Variants in DDX23 observed in about 807,000 individuals in gnomAD.
DDX23 encodes the protein DEAD-box helicase 23, also known as probable ATP-dependent RNA helicase DDX23.
In DDX23, 33 loss-of-function variants were observed where a neutral mutation model predicts 102.7. The observed-to-expected ratio is 0.32, with a 90% CI of 0.24 to 0.43. The LOEUF (loss-of-function observed/expected upper bound fraction) is 0.43, where lower values mean the gene tolerates loss of function less well. DDX23 is among the 20% of genes least tolerant of loss of function. DDX23 has a pLI of 1.00. For synonymous variants in DDX23, 352 were observed against 376.0 expected (o/e 0.94, Z 0.74); for missense variants, 549 against 1,086.6 (o/e 0.51, Z 6.96).
At chr12:48,849,168 A>T (rs1382139704) in intron 1 of DDX23, among the ~76,000 whole-genome samples, 1 of 151,982 alleles carries the variant, frequency 6.6e-6, no homozygotes, top group Non-Finnish European at 1.5e-5. Context: ...CTGGTATTAC[A>T]GGTGTGAGCC....
chr12:48,839,796 T>C, intron 5 of DDX23, 48 bp downstream of exon 5: 11 of 1,591,728 alleles, frequency 6.9e-6, no homozygotes, highest in Middle Eastern at 1.7e-4. Flanking sequence ...TCTGTGGTAT[T>C]GTGTTATGGC....
In DDX23 at chr12:48,843,952, C is replaced by T. The variant is rs749217539; in HGVS notation, c.308G>A (p.Arg103His). The change falls in exon 3 of 17, where the codon CGT becomes CAT. Residue 103 changes from arginine (R) to histidine (H), a missense_variant. Arg to His is a conservative substitution (Grantham distance 29). Transcript: ENST00000308025. ...TTCCTTCATGTACCTGGATCGTTTA[C>T]GGTCCTTGTCCCGTCTGTGCCCATC... ...DKDGHRRDKD[R>H]KRSSLSPGRG... The T allele has an allele frequency of 9.1e-5, 147 of 1,613,906 alleles. No individual in the cohort carries two copies. Among genetic ancestry groups the T allele is most frequent in the Non-Finnish European group, 1.1e-4 (135 of 1,179,940 alleles).
chr12:48,840,396 C>T (rs1001367208), intron 3 of DDX23, among the ~76,000 whole-genome samples: 1 of 152,042 alleles, frequency 6.6e-6, no homozygotes, highest in Non-Finnish European at 1.5e-5. Context: ...CTAGGCCAGG[C>T]GCGGTGTCTC....
At position 48,845,739 on chromosome 12, in the gene DDX23, G is replaced by C. The variant is rs755800550; in HGVS notation, c.44C>G (p.Pro15Arg). ...TGATCGCTTCCTTTCCTCCTTGGAA[G>C]GTGATGCATCACGGTCCTTTTTGTC... ...LADKKDRDASPSKEERKRSRT... is the reference protein window; with the variant it reads ...LADKKDRDASRSKEERKRSRT... Residue 15 changes from proline (P) to arginine (R), a missense_variant, in exon 2 of 17, where the codon CCT becomes CGT. Physicochemically the swap from Pro to Arg is moderately radical, Grantham distance 103. This residue lies in a region of DDX23 where 241 missense variants were observed against 267.0 expected (regional missense o/e 0.90). Transcript: ENST00000308025. 1 of 1,614,170 alleles carries C rather than the reference G, an allele frequency of 6.2e-7. No individual in the cohort carries two copies. The highest frequency in any genetic ancestry group is 1.1e-5 in the South Asian group (1 of 91,088).
intron 1 of DDX23, among the ~76,000 whole-genome samples, chr12:48,851,297 C>G (rs1344121729): frequency 6.6e-6 from 1 of 152,100 alleles, no homozygotes; most frequent in Non-Finnish European, 1.5e-5. Flanking sequence ...CACGGTGAAA[C>G]CCCGTCTCTA....
At chr12:48,846,146 T>G (rs1938663457) in intron 1 of DDX23, among the ~76,000 whole-genome samples, 1 of 151,876 alleles carries the variant, frequency 6.6e-6, no homozygotes, top group Admixed American at 6.6e-5. Context: ...TTTATTTTTT[T>G]TATAGACAGG....
At position 48,834,398 on chromosome 12, in the gene DDX23, C is replaced by A. The variant is rs140160496; in HGVS notation, c.1482G>T (p.Pro494=). 1.2e-6 allele frequency: 2 copies of A among 1,614,124 alleles called. No individual in the cohort carries two copies. The highest frequency in any genetic ancestry group is 2.2e-5 in the South Asian group (2 of 91,064). Residue 494 remains proline (P), a synonymous_variant, in exon 12 of 17, where the codon CCG becomes CCT. Coordinates refer to ENST00000308025, the MANE Select transcript of DDX23 (RefSeq NM_004818.3). ...IEEETIKFGK[P]LGIRTVAVIG... Reference sequence around the variant, plus strand: ...TGACAGCCACAGTGCGGATACCTAGCGGTTTCCCAAACTTGATGGTCTCTT... The same window carrying A: ...TGACAGCCACAGTGCGGATACCTAGAGGTTTCCCAAACTTGATGGTCTCTT...
chr12:48,831,373 A>C, intron 15 of DDX23, 57 bp from the exon 16 acceptor site: 1 of 1,559,316 alleles, frequency 6.4e-7, no homozygotes, highest in South Asian at 1.1e-5. Context: ...GAGACACAGG[A>C]GTTCAGAGGA....
Position 48,829,856 on chromosome 12 carries a change from G to A in DDX23, c.*613C>T. 4.2e-6 allele frequency: 1 copy of A among 238,468 alleles called. No homozygotes were observed. Among genetic ancestry groups the A allele is most frequent in the Non-Finnish European group, 8.3e-6 (1 of 120,286 alleles). 14.8% of individuals were successfully genotyped at this position (238,468 alleles called of 1,614,324 possible). A position where few individuals can be genotyped will look rare whatever the true frequency, so the allele number is the denominator to read the frequency against. On this transcript the variant is annotated 3_prime_UTR_variant, in exon 17 of 17. Coordinates refer to ENST00000308025, the MANE Select transcript of DDX23 (RefSeq NM_004818.3). ...TCACTCAGTGACAAAGATGGACACA[G>A]CCAGTTCACCGTGTCCCCCCATCTA...
At chr12:48,835,719 A>G (rs1415816827) in intron 11 of DDX23, among the ~76,000 whole-genome samples, 1 of 152,042 alleles carries the variant, frequency 6.6e-6, no homozygotes, top group Non-Finnish European at 1.5e-5. Flanking sequence ...TCAAAAAACA[A>G]AACAAAACAA....
intron 2 of DDX23, 40 bp downstream of exon 2, chr12:48,845,534 A>G (rs1381472925): frequency 1.2e-6 from 2 of 1,605,490 alleles, no homozygotes; most frequent in African/African-American, 2.7e-5. Flanking sequence ...TCTGAAACGT[A>G]CTCTCCCTTC....
intron 12 of DDX23, among the ~76,000 whole-genome samples, chr12:48,833,847 G>A (rs1938426205): frequency 1.3e-5 from 2 of 152,098 alleles, no homozygotes; most frequent in Admixed American, 1.3e-4. Context: ...GTACTATGAA[G>A]GGGGTTGTAT....
chr12:48,843,910 C>G (rs1228269932), intron 3 of DDX23, 30 bp downstream of exon 3: 4 of 1,603,880 alleles, frequency 2.5e-6, no homozygotes, highest in African/African-American at 1.3e-5. Flanking sequence ...GGAGCATTCC[C>G]CTAAAGCCCC....
chr12:48,845,884 T>C, intron 1 of DDX23, 102 bp from the exon 2 acceptor site: 2 of 1,235,380 alleles, frequency 1.6e-6, no homozygotes, highest in Non-Finnish European at 1.1e-6. Flanking sequence ...GGTGGATATA[T>C]TAGTATGTCT....
chr12:48,834,183 A>G, intron 12 of DDX23, 137 bp downstream of exon 12: 1 of 717,594 alleles, frequency 1.4e-6, no homozygotes, highest in Non-Finnish European at 2.2e-6. Flanking sequence ...CCTGGTGCAT[A>G]AGTTCTCAAT....
chr12:48,843,820 T>C, intron 3 of DDX23, 120 bp downstream of exon 3: 2 of 1,044,858 alleles, frequency 1.9e-6, no homozygotes, highest in East Asian at 4.9e-5. Context: ...AGTGCTGGGA[T>C]TACAGGCGTG....
At chr12:48,833,197 C>A in intron 13 of DDX23, 80 bp downstream of exon 13, 1 of 1,581,190 alleles carries the variant, frequency 6.3e-7, no homozygotes, top group Non-Finnish European at 8.6e-7. Context: ...GTTGCCCAGG[C>A]TGGTCTCAAA....
intron 13 of DDX23, 137 bp downstream of exon 13, chr12:48,833,140 A>G (rs1052227877): frequency 7.6e-7 from 1 of 1,317,790 alleles, no homozygotes; most frequent in Non-Finnish European, 1.0e-6. Flanking sequence ...TGCACCACCA[A>G]TGCCCAGCTA....
intron 3 of DDX23, among the ~76,000 whole-genome samples, 200 bp downstream of exon 3, chr12:48,843,740 G>A (rs1280144795): frequency 1.3e-5 from 2 of 151,832 alleles, no homozygotes; most frequent in African/African-American, 4.8e-5. Context: ...AGTAGAGACG[G>A]GGTTTCACCA....
Sources: allele counts gnomAD v4.1 joint callset (sites outside exome capture counted in the v4.1 genomes callset), GRCh38; gene constraint gnomAD v4.1.1; regional missense constraint gnomAD v4.1.1; transcripts MANE v1.5; gene names NCBI Gene and HGNC (gene_info 2026-07-23, HGNC 2026-07-21).